RAP1B: variants seen among roughly 807,000 people sequenced by gnomAD.
RAP1B encodes ras-related protein Rap-1b.
In RAP1B, 1 loss-of-function variant was observed where a neutral mutation model predicts 27.5. That is an observed-to-expected ratio of 0.04 (90% CI 0.01 to 0.17). RAP1B has a LOEUF of 0.17. Ranked by LOEUF, RAP1B falls within the 10% of genes least tolerant of loss-of-function variation. RAP1B has a pLI of 1.00. For synonymous variants in RAP1B, 75 were observed against 73.1 expected (o/e 1.03, Z -0.13); for missense variants, 84 against 214.8 (o/e 0.39, Z 3.81).
rs559326929 is a variant in RAP1B at position 68,627,150 on chromosome 12, G to A, written c.-27+16107G>A. The A allele has an allele frequency of 4.0e-4, 622 of 1,574,080 alleles. 7 individuals are homozygous for A. The South Asian group carries it at 6.5e-3, about 17-fold the overall frequency. ...GTGAACCCTGGCCACAGTGCCCTGG[G>A]GCTTCCCAAAGGCACCTCGCATGCC... On this transcript the variant is annotated intron_variant, in intron 1 of 7. Coordinates refer to ENST00000250559, the MANE Select transcript of RAP1B (RefSeq NM_001010942.3).
intron 1 of RAP1B, among the ~76,000 whole-genome samples, chr12:68,625,044 C>T (rs937105790): frequency 3.3e-5 from 5 of 152,142 alleles, no homozygotes; most frequent in East Asian, 1.9e-4. Context: ...TAATGTTCAA[C>T]GATGCACACA....
chr12:68,651,481 T>C (rs1592463493), intron 3 of RAP1B, among the ~76,000 whole-genome samples: 1 of 152,296 alleles, frequency 6.6e-6, no homozygotes, highest in East Asian at 1.9e-4. Context: ...CTAGGAAATA[T>C]TAGATGGAAA....
Position 68,631,388 on chromosome 12 carries a change from C to T in RAP1B, c.-26-17311C>T, listed in dbSNP as rs537053726. On this transcript the variant is annotated intron_variant, in intron 1 of 7. Coordinates refer to ENST00000250559, the MANE Select transcript of RAP1B (RefSeq NM_001010942.3). The stretch of plus-strand genomic sequence containing the variant: ...GCTTACCATGCCTAGATGTATTGTT[C>T]AGCCTTCTACTGTTAGAACTTCTTT... Among the ~76,000 whole-genome samples, 6 of 152,248 alleles carry T rather than the reference C, an allele frequency of 3.9e-5. No individual in the cohort carries two copies. In the South Asian group the frequency reaches 1.0e-3, roughly 26 times the overall value.
In RAP1B at chr12:68,666,187, C is replaced by T. The variant is rs1874841489; in HGVS notation, c.*6938C>T. On this transcript the variant is annotated 3_prime_UTR_variant, in exon 8 of 8. Coordinates refer to ENST00000250559, the MANE Select transcript of RAP1B (RefSeq NM_001010942.3). ...AAATATATGCCTTTGCAGTATTTCT[C>T]TACTTCCCCAGTAATGTAAACTTTA... The T allele has an allele frequency of 6.6e-6, 1 of 152,228 alleles. No homozygotes were observed. Among genetic ancestry groups the T allele is most frequent in the Non-Finnish European group, 1.5e-5 (1 of 68,038 alleles). 9.4% of individuals were successfully genotyped at this position (152,228 alleles called of 1,614,324 possible). A position where few individuals can be genotyped will look rare whatever the true frequency, so the allele number is the denominator to read the frequency against.
At chr12:68,647,971 T>C (rs1333217973) in intron 1 of RAP1B, 1 of 152,222 alleles carries the variant, frequency 6.6e-6, no homozygotes, top group Non-Finnish European at 1.5e-5. Flanking sequence ...ACCACTTTAC[T>C]GACTCTTTAG....
At position 68,667,351 on chromosome 12, in the gene RAP1B, A is replaced by G. The variant is rs1874899479; in HGVS notation, c.*8102A>G. 6.6e-6 allele frequency: 1 copy of G among 152,124 alleles called. No individual in the cohort carries two copies. The highest frequency in any genetic ancestry group is 1.5e-5 in the Non-Finnish European group (1 of 68,022). 9.4% of individuals were successfully genotyped at this position (152,124 alleles called of 1,614,324 possible). On this transcript the variant is annotated 3_prime_UTR_variant, in exon 8 of 8. Coordinates refer to ENST00000250559, the MANE Select transcript of RAP1B (RefSeq NM_001010942.3). The stretch of plus-strand genomic sequence containing the variant: ...TTTTAAGAAATGGGAGGAGTGTAAT[A>G]TCTAGAGGTACATGAAAAAAAGAAA...
chr12:68,634,657 C>T (rs1044992701), intron 1 of RAP1B, among the ~76,000 whole-genome samples: 1 of 151,794 alleles, frequency 6.6e-6, no homozygotes, highest in Admixed American at 6.6e-5. Context: ...TTTTGCTTAT[C>T]TCTTGACTCG....
intron 1 of RAP1B, among the ~76,000 whole-genome samples, chr12:68,623,747 G>A (rs1871546290): frequency 6.6e-6 from 1 of 152,262 alleles, no homozygotes; most frequent in Non-Finnish European, 1.5e-5. Context: ...TTCAGGCTGG[G>A]TGTAGTGGCT....
chr12:68,650,324 T>G (rs1416207824), intron 2 of RAP1B, 76 bp from the exon 3 acceptor site: 1 of 1,307,778 alleles, frequency 7.6e-7, no homozygotes, highest in South Asian at 1.5e-5. Context: ...CTGTGTGAAC[T>G]CAGTTTACAA....
At position 68,661,087 on chromosome 12, in the gene RAP1B, A is replaced by G. The variant is rs1216290797; in HGVS notation, c.*1838A>G. 6.6e-6 allele frequency: 1 copy of G among 152,222 alleles called. No homozygotes were observed. 9.4% of individuals were successfully genotyped at this position (152,222 alleles called of 1,614,324 possible). On this transcript the variant is annotated 3_prime_UTR_variant, in exon 8 of 8. Coordinates refer to ENST00000250559, the MANE Select transcript of RAP1B (RefSeq NM_001010942.3). Reference sequence around the variant, plus strand: ...TATTTGCCAGCTACTGGAGCAATTAATCAGTGATAATATCTAATAGAGGGG... The same window carrying G: ...TATTTGCCAGCTACTGGAGCAATTAGTCAGTGATAATATCTAATAGAGGGG...
intron 1 of RAP1B, 119 bp downstream of exon 1, chr12:68,611,162 G>C (rs1870541725): frequency 6.8e-6 from 1 of 146,632 alleles, no homozygotes; most frequent in Admixed American, 6.8e-5. Flanking sequence ...GCGGCGGTCA[G>C]GGGCCCCGGC....
chr12:68,633,395 C>T (rs1872404988), intron 1 of RAP1B, among the ~76,000 whole-genome samples: 1 of 152,206 alleles, frequency 6.6e-6, no homozygotes. Flanking sequence ...GACAATTGTT[C>T]TCTTCTCTGC....
chr12:68,618,704 T>C (rs1377712496), intron 1 of RAP1B, among the ~76,000 whole-genome samples: 1 of 149,466 alleles, frequency 6.7e-6, no homozygotes, highest in Non-Finnish European at 1.5e-5. Flanking sequence ...TTCACTGTCC[T>C]AGTAATCATT....
intron 1 of RAP1B, among the ~76,000 whole-genome samples, chr12:68,642,173 G>A (rs369473208): frequency 6.6e-6 from 1 of 152,048 alleles, no homozygotes; most frequent in African/African-American, 2.4e-5. Context: ...CTCATACATA[G>A]GCATATTATT....
chr12:68,638,540 T>G (rs924017132), intron 1 of RAP1B, among the ~76,000 whole-genome samples: 9 of 152,200 alleles, frequency 5.9e-5, no homozygotes, highest in African/African-American at 2.2e-4. Context: ...TTTTGAAAGA[T>G]AATGACTCCA....
At chr12:68,640,057 T>G (rs1872889146) in intron 1 of RAP1B, among the ~76,000 whole-genome samples, 2 of 152,026 alleles carry the variant, frequency 1.3e-5, no homozygotes, top group Non-Finnish European at 2.9e-5. Context: ...GTCAGGATGG[T>G]CTCCATCTCC....
intron 1 of RAP1B, among the ~76,000 whole-genome samples, chr12:68,620,877 C>T (rs1332186310): frequency 1.3e-5 from 2 of 152,076 alleles, no homozygotes; most frequent in African/African-American, 4.8e-5. Flanking sequence ...AGTGAGCCAC[C>T]GCACCGGTCT....
At chr12:68,659,248 A>G (rs1565676320) in intron 7 of RAP1B, 32 bp from the exon 8 acceptor site, 3 of 456,358 alleles carry the variant, frequency 6.6e-6, no homozygotes, top group Non-Finnish European at 1.3e-5. Context: ...TTTCTAGCCC[A>G]TGTTTTTAAT....
At chr12:68,640,010 T>G (rs1828217277) in intron 1 of RAP1B, among the ~76,000 whole-genome samples, 2 of 151,740 alleles carry the variant, frequency 1.3e-5, no homozygotes, top group South Asian at 2.1e-4. Context: ...CCGGCTAATT[T>G]TTGTATTTTT....
Sources: allele counts gnomAD v4.1 joint callset (sites outside exome capture counted in the v4.1 genomes callset), GRCh38; gene constraint gnomAD v4.1.1; transcripts MANE v1.5; gene names NCBI Gene and HGNC (gene_info 2026-07-23, HGNC 2026-07-21).